The following CYP26B1 variants were observed in gnomAD, a reference collection of about 807,000 sequenced individuals.
CYP26B1 encodes the protein cytochrome P450 family 26 subfamily B member 1.
Under a neutral mutation model 39.1 loss-of-function variants are expected in CYP26B1, and 8 were observed. The ratio of observed to expected loss-of-function variants is 0.20; its 90% CI spans 0.12 to 0.37. The LOEUF (loss-of-function observed/expected upper bound fraction) is 0.37, where lower values mean the gene tolerates loss of function less well. Ranked by LOEUF, CYP26B1 falls within the 10% of genes least tolerant of loss-of-function variation. The pLI is 1.00. For synonymous variants in CYP26B1, 321 were observed against 314.3 expected (o/e 1.02, Z -0.23); for missense variants, 615 against 707.0 (o/e 0.87, Z 1.48).
intron 1 of CYP26B1, among the ~76,000 whole-genome samples, chr2:72,145,959 A>G (rs1677112225): frequency 6.6e-6 from 1 of 152,170 alleles, no homozygotes; most frequent in South Asian, 2.1e-4. Flanking sequence ...CCGAAAAAAT[A>G]ACGCTGGGAT....
At chr2:72,136,744 C>G (rs1470965932) in intron 2 of CYP26B1, among the ~76,000 whole-genome samples, 1 of 152,188 alleles carries the variant, frequency 6.6e-6, no homozygotes, top group African/African-American at 2.4e-5. Context: ...ACTACTGCCT[C>G]CCTTCAGAGA....
At chr2:72,142,845 A>C (rs1028177362) in intron 2 of CYP26B1, among the ~76,000 whole-genome samples, 1 of 152,156 alleles carries the variant, frequency 6.6e-6, no homozygotes, top group Non-Finnish European at 1.5e-5. Flanking sequence ...TTCCTGAAAT[A>C]CATGCTGTAT....
intron 2 of CYP26B1, among the ~76,000 whole-genome samples, chr2:72,137,523 C>A (rs1263035687): frequency 2.7e-5 from 2 of 73,350 alleles, no homozygotes; most frequent in East Asian, 4.3e-4. Context: ...ACACACCCCA[C>A]GTGGGCCATA....
chr2:72,142,698 C>A (rs73942523), intron 2 of CYP26B1, among the ~76,000 whole-genome samples: 1 of 152,116 alleles, frequency 6.6e-6, no homozygotes, highest in African/African-American at 2.4e-5. Flanking sequence ...TTTGAAAAGC[C>A]GAGGCTTCAT....
intron 1 of CYP26B1, chr2:72,144,467 C>T: frequency 7.7e-7 from 1 of 1,299,448 alleles, no homozygotes. Context: ...TTGGTAATGA[C>T]TTTCGAGAGG....
intron 1 of CYP26B1, among the ~76,000 whole-genome samples, chr2:72,145,240 C>T (rs1409942331): frequency 1.3e-5 from 2 of 152,238 alleles, no homozygotes; most frequent in Admixed American, 6.5e-5. Flanking sequence ...CGGGTTGGTC[C>T]CCCTCCTCAC....
rs770701828 is a variant in CYP26B1 at position 72,134,930 on chromosome 2, G to A, written c.706-14C>T. On this transcript the variant is annotated splice_polypyrimidine_tract_variant and intron_variant, in intron 3 of 5. Coordinates refer to ENST00000001146, the MANE Select transcript of CYP26B1 (RefSeq NM_019885.4). ...AGCCTGAATGCCCTGCAGAGGTGAGGGCTGTCACTCATATGGAAGGGCAGG... is the reference window on the plus strand; with the variant it reads ...AGCCTGAATGCCCTGCAGAGGTGAGAGCTGTCACTCATATGGAAGGGCAGG... 3.7e-6 allele frequency: 6 copies of A among 1,613,208 alleles called. No individual in the cohort carries two copies. The highest frequency in any genetic ancestry group is 1.7e-5 in the Admixed American group (1 of 60,022).
chr2:72,132,249 G>A lies in CYP26B1; in HGVS notation c.1517C>T (p.Ala506Val), dbSNP rs1328372634. 1.2e-6 allele frequency: 2 copies of A among 1,603,546 alleles called. No homozygotes were observed. Among genetic ancestry groups the A allele is most frequent in the East Asian group, 4.5e-5 (2 of 44,516 alleles). ...GGGTTAGACTGTGGCGCTCAGCATG[G>A]CCTCCGTCTCCGGCAGGATCTCGTT... ...NQNEILPETE[A>V]MLSATV Residue 506 changes from alanine to valine, a missense_variant, in exon 6 of 6, where the codon GCC becomes GTC. Physicochemically the swap from Ala to Val is moderately conservative, Grantham distance 64. Transcript: ENST00000001146.
At chr2:72,142,750 T>G (rs1676978831) in intron 2 of CYP26B1, among the ~76,000 whole-genome samples, 2 of 152,084 alleles carry the variant, frequency 1.3e-5, no homozygotes, top group African/African-American at 4.8e-5. Flanking sequence ...CCAGAACTCC[T>G]CTCCCGCCGC....
rs779339631 is a variant in CYP26B1, at chr2:72,133,132, T to C, written c.1037A>G (p.Asp346Gly). 4 of 1,612,980 alleles carry C rather than the reference T, an allele frequency of 2.5e-6. No homozygotes were observed. The South Asian group carries it at 4.4e-5, about 18-fold the overall frequency. ...GCPCEGTLRLDTLSGLRYLDC... is the reference protein window; with the variant it reads ...GCPCEGTLRLGTLSGLRYLDC... Reference sequence around the variant, plus strand: ...CAGGTAGCGCAGCCCACTGAGCGTGTCCAGGCGCAGTGTGCCCTCGCAGGG... The same window carrying C: ...CAGGTAGCGCAGCCCACTGAGCGTGCCCAGGCGCAGTGTGCCCTCGCAGGG... Residue 346 changes from aspartate to glycine, a missense_variant, in exon 5 of 6, where the codon GAC (aspartate) becomes GGC (glycine). Coordinates refer to ENST00000001146, the MANE Select transcript of CYP26B1 (RefSeq NM_019885.4).
rs34564593 is a variant in CYP26B1, at chr2:72,129,616, T to TG, written c.*2610dup. ...GACAGACACAAAATTATAACATTTA[T>TG]GAAAAAAAAGGTTTGTGTATAAAAT... On this transcript the variant is annotated 3_prime_UTR_variant, in exon 6 of 6. Transcript: ENST00000001146. 39,498 of 151,854 alleles carry TG rather than the reference T, an allele frequency of 0.26. 5,507 individuals are homozygous for TG. The highest frequency in any genetic ancestry group is 0.54 in the East Asian group (2,803 of 5,144). The allele number at this position is 151,854 out of a possible 1,614,324, so 9.4% of individuals were successfully genotyped here. A position where few individuals can be genotyped will look rare whatever the true frequency, so the allele number is the denominator to read the frequency against.
chr2:72,136,701 T>C (rs1206157769), intron 2 of CYP26B1, among the ~76,000 whole-genome samples: 1 of 152,152 alleles, frequency 6.6e-6, no homozygotes, highest in Non-Finnish European at 1.5e-5. Context: ...TTGCCCAGTT[T>C]TGGGGGTCCG....
chr2:72,135,167 G>A lies in CYP26B1; in HGVS notation c.682C>T (p.Leu228=). Residue 228 remains leucine, a synonymous_variant, in exon 3 of 6, where the codon CTG becomes TTG. Transcript: ENST00000001146. ...VDNVFSLPVD[L]PFSGYRRGIQ... ...ACCCGCCGGTAGCCACTGAAGGGCAGGTCGACAGGCAGGGAGAAGACATTG... is the reference window on the plus strand; with the variant it reads ...ACCCGCCGGTAGCCACTGAAGGGCAAGTCGACAGGCAGGGAGAAGACATTG... 6.2e-7 allele frequency: 1 copy of A among 1,613,974 alleles called. No individual in the cohort carries two copies. Among genetic ancestry groups the A allele is most frequent in the Non-Finnish European group, 8.5e-7 (1 of 1,180,022 alleles).
chr2:72,135,003 T>A, intron 3 of CYP26B1, 87 bp from the exon 4 acceptor site: 1 of 1,601,358 alleles, frequency 6.2e-7, no homozygotes, highest in Non-Finnish European at 8.5e-7. Flanking sequence ...AGCCTCCTCC[T>A]ACCCCACGCT....
chr2:72,144,504 C>T (rs1677059260), intron 1 of CYP26B1: 1 of 1,187,122 alleles, frequency 8.4e-7, no homozygotes, highest in Admixed American at 4.3e-5. Flanking sequence ...CAGCTGGACC[C>T]GAAGCGGGAG....
intron 5 of CYP26B1, 68 bp downstream of exon 5, chr2:72,132,955 C>G: frequency 3.1e-6 from 5 of 1,603,662 alleles, no homozygotes; most frequent in South Asian, 2.2e-5. Flanking sequence ...GAGGCTGGTG[C>G]CCCGCCTTGC....
intron 1 of CYP26B1, 146 bp from the exon 2 acceptor site, chr2:72,144,359 T>C: frequency 6.9e-7 from 1 of 1,443,698 alleles, no homozygotes; most frequent in Non-Finnish European, 9.1e-7. Context: ...GCAGGTTTTA[T>C]TTTTCATAGC....
intron 2 of CYP26B1, among the ~76,000 whole-genome samples, chr2:72,136,079 C>T (rs949734340): frequency 6.6e-5 from 3 of 45,290 alleles, no homozygotes; most frequent in African/African-American, 1.5e-4. Context: ...GGCTGCGCAG[C>T]CCCCCTTGCC....
chr2:72,143,133 T>C lies in CYP26B1; in HGVS notation c.429+856A>G, dbSNP rs1676994240. The C allele has an allele frequency of 2.4e-5, 4 of 165,484 alleles. No homozygotes were observed. In the South Asian group the frequency reaches 8.3e-4, roughly 34 times the overall value. The allele number at this position is 165,484 out of a possible 1,614,324, so 10.3% of individuals were successfully genotyped here. On this transcript the variant is annotated intron_variant, in intron 2 of 5. Coordinates refer to ENST00000001146, the MANE Select transcript of CYP26B1 (RefSeq NM_019885.4). ...TTAGGTTTCAAACCTGGGTGAGTCCTCTGACCCAGTGGAAAAAAATGGAGT... is the reference window on the plus strand; with the variant it reads ...TTAGGTTTCAAACCTGGGTGAGTCCCCTGACCCAGTGGAAAAAAATGGAGT...
Sources: allele counts gnomAD v4.1 joint callset (sites outside exome capture counted in the v4.1 genomes callset), GRCh38; gene constraint gnomAD v4.1.1; transcripts MANE v1.5; gene names NCBI Gene and HGNC (gene_info 2026-07-23, HGNC 2026-07-21).